PCDH9: variants seen among roughly 807,000 people sequenced by gnomAD.
PCDH9 encodes protocadherin-9.
PCDH9 carries 24 observed loss-of-function variants against 70.6 expected under a neutral mutation model. The ratio of observed to expected loss-of-function variants is 0.34; its 90% CI spans 0.25 to 0.48. The LOEUF (loss-of-function observed/expected upper bound fraction) is 0.48, where lower values mean the gene tolerates loss of function less well. Among genes scored for constraint, PCDH9 ranks in the 20% least tolerant of loss-of-function variants. PCDH9 has a pLI of 0.99. For synonymous variants in PCDH9, 562 were observed against 558.5 expected (o/e 1.01, Z -0.09); for missense variants, 1,281 against 1,503.6 (o/e 0.85, Z 2.45).
chr13:66,416,553 T>C (rs1263352930), intron 4 of PCDH9, among the ~76,000 whole-genome samples: 1 of 152,206 alleles, frequency 6.6e-6, no homozygotes, highest in Admixed American at 6.5e-5. Context: ...CAGTTAGCTA[T>C]AATGCATGTT....
intron 3 of PCDH9, among the ~76,000 whole-genome samples, chr13:66,768,534 C>A (rs183453114): frequency 1.3e-5 from 2 of 152,052 alleles, no homozygotes; most frequent in Admixed American, 1.3e-4. Flanking sequence ...TGTGTAAATT[C>A]TGAATCTAAT....
chr13:66,495,002 G>A (rs934270793), intron 4 of PCDH9, among the ~76,000 whole-genome samples: 3 of 151,708 alleles, frequency 2.0e-5, no homozygotes, highest in African/African-American at 7.3e-5. Flanking sequence ...AGGAGAGGAT[G>A]GAAGGAAGGA....
intron 3 of PCDH9, among the ~76,000 whole-genome samples, chr13:66,730,510 T>C (rs1041892236): frequency 1.3e-5 from 2 of 152,074 alleles, no homozygotes; most frequent in Non-Finnish European, 2.9e-5. Context: ...TCCTTTAATA[T>C]AGACTCCCAG....
intron 4 of PCDH9, among the ~76,000 whole-genome samples, chr13:66,307,335 T>G (rs1468879300): frequency 6.6e-6 from 1 of 152,120 alleles, no homozygotes; most frequent in Non-Finnish European, 1.5e-5. Context: ...TAATTGTTAA[T>G]TAAACTTTTA....
rs1490581079 is a variant in PCDH9 at position 66,303,121 on chromosome 13, T to G, written c.*1534A>C. 1 of 152,540 alleles carries G rather than the reference T, an allele frequency of 6.6e-6. No homozygotes were observed. Among genetic ancestry groups the G allele is most frequent in the East Asian group, 1.9e-4 (1 of 5,170 alleles). The allele number at this position is 152,540 out of a possible 1,614,324, so 9.4% of individuals were successfully genotyped here. ...TTTTTTTAAATTTTTTGTTTTTTTTTTGTTTTTTTTACTTTTAAATTGATG... is the reference window on the plus strand; with the variant it reads ...TTTTTTTAAATTTTTTGTTTTTTTTGTGTTTTTTTTACTTTTAAATTGATG... On this transcript the variant is annotated 3_prime_UTR_variant, in exon 5 of 5. Transcript: ENST00000377865.
intron 3 of PCDH9, among the ~76,000 whole-genome samples, chr13:66,821,774 T>C (rs116195684): frequency 2.2e-4 from 34 of 152,316 alleles, no homozygotes; most frequent in African/African-American, 8.2e-4. Flanking sequence ...CAATTCCCCA[T>C]GTGCCTTCAT....
intron 4 of PCDH9, among the ~76,000 whole-genome samples, chr13:66,366,857 G>A (rs770010148): frequency 1.3e-5 from 2 of 152,044 alleles, no homozygotes; most frequent in Non-Finnish European, 2.9e-5. Flanking sequence ...GTTCACCTGA[G>A]TTAGTTTTAT....
chr13:66,648,947 C>G (rs2077811295), intron 3 of PCDH9, among the ~76,000 whole-genome samples: 1 of 151,896 alleles, frequency 6.6e-6, no homozygotes, highest in Admixed American at 6.6e-5. Context: ...AGTCTCTTAA[C>G]AGTAGAAGAT....
At chr13:67,127,676 A>ATATGTGTGTGTGTG (rs1555310054) in intron 2 of PCDH9, among the ~76,000 whole-genome samples, 3 of 145,490 alleles carry the variant, frequency 2.1e-5, no homozygotes, top group East Asian at 2.0e-4. Context: ...ATATATATAT[A>ATATGTGTGTGTGTG]TGTGTGTGTG....
intron 4 of PCDH9, among the ~76,000 whole-genome samples, chr13:66,419,889 C>A (rs900533638): frequency 2.0e-5 from 3 of 152,024 alleles, no homozygotes; most frequent in Admixed American, 2.0e-4. Context: ...CAGATCCCAC[C>A]CCCTATGGAA....
intron 4 of PCDH9, among the ~76,000 whole-genome samples, chr13:66,588,513 T>G (rs536097547): frequency 4.0e-5 from 6 of 151,762 alleles, no homozygotes; most frequent in African/African-American, 1.5e-4. Flanking sequence ...TATATATGTA[T>G]GTATATACAC....
chr13:66,542,748 GATATTTAT>G (rs1961019634), intron 4 of PCDH9, among the ~76,000 whole-genome samples: 1 of 144,382 alleles, frequency 6.9e-6, no homozygotes, highest in Admixed American at 6.9e-5. Context: ...ATATCTCCGA[GATATTTAT>G]ATATTTATAT....
At chr13:66,811,999 G>A (rs570606858) in intron 3 of PCDH9, among the ~76,000 whole-genome samples, 4 of 152,018 alleles carry the variant, frequency 2.6e-5, no homozygotes, top group Non-Finnish European at 5.9e-5. Flanking sequence ...GGTGATTTGT[G>A]AGATTTTGCT....
intron 4 of PCDH9, among the ~76,000 whole-genome samples, chr13:66,397,779 A>G (rs1431383966): frequency 6.6e-6 from 1 of 151,860 alleles, no homozygotes; most frequent in Non-Finnish European, 1.5e-5. Context: ...ACTCAGCATC[A>G]TCTTTTATTC....
At chr13:66,777,039 C>T (rs1461227781) in intron 3 of PCDH9, among the ~76,000 whole-genome samples, 2 of 151,346 alleles carry the variant, frequency 1.3e-5, no homozygotes, top group Non-Finnish European at 3.0e-5. Context: ...AAAGGATTCC[C>T]CATTTAATAA....
chr13:66,396,160 A>G (rs1957097878), intron 4 of PCDH9, among the ~76,000 whole-genome samples: 1 of 152,208 alleles, frequency 6.6e-6, no homozygotes, highest in South Asian at 2.1e-4. Context: ...AATCAGAATT[A>G]TCCTGGGAAC....
At chr13:66,738,025 C>G (rs375845703) in intron 3 of PCDH9, among the ~76,000 whole-genome samples, 6 of 151,820 alleles carry the variant, frequency 4.0e-5, no homozygotes, top group Non-Finnish European at 5.9e-5. Flanking sequence ...GCCTCTGTAG[C>G]CTCCACCTCT....
intron 4 of PCDH9, among the ~76,000 whole-genome samples, chr13:66,437,059 G>C (rs1213951979): frequency 6.6e-6 from 1 of 151,144 alleles, no homozygotes; most frequent in Non-Finnish European, 1.5e-5. Context: ...CGAGAAAGCA[G>C]GAATCTAGAA....
chr13:66,809,041 A>G (rs9599149), intron 3 of PCDH9, among the ~76,000 whole-genome samples: 2,898 of 152,220 alleles, frequency 0.019, 43 homozygotes, highest in Middle Eastern at 0.031. Context: ...TCCGCCTCCC[A>G]GGTTCACGCC....
Sources: gnomAD v4.1 joint callset for allele counts (sites outside exome capture counted in the v4.1 genomes callset) on GRCh38, gnomAD v4.1.1 for gene constraint, MANE v1.5 for transcripts, NCBI Gene and HGNC (gene_info 2026-07-23, HGNC 2026-07-21) for gene names.